Variants in RFX7 observed in about 807,000 individuals in gnomAD.
The protein encoded by RFX7 is regulatory factor X7.
RFX7 carries 26 observed loss-of-function variants against 111.8 expected under a neutral mutation model. That is an observed-to-expected ratio of 0.23 (90% CI 0.17 to 0.32). The LOEUF (loss-of-function observed/expected upper bound fraction) is 0.32. RFX7 is among the 10% of genes least tolerant of loss of function. The pLI is 1.00. For missense variants in RFX7, 1,573 were observed against 1,772.9 expected (o/e 0.89, Z 2.02); for synonymous variants, 624 against 624.4 (o/e 1.00, Z 0.01).
chr15:56,137,213 T>C (rs75940989), intron 5 of RFX7, among the ~76,000 whole-genome samples: 147,083 of 151,808 alleles, frequency 0.97, 71,387 homozygotes, highest in Non-Finnish European at 1. Context: ...CTTGTACCTC[T>C]GGTAGAATTC....
chr15:56,225,058 C>T (rs1215775744), intron 2 of RFX7, among the ~76,000 whole-genome samples: 2 of 152,106 alleles, frequency 1.3e-5, no homozygotes, highest in African/African-American at 4.8e-5. Context: ...AGAACAAGAA[C>T]AGCAGTAACA....
At chr15:56,131,509 T>G (rs1375303685) in intron 5 of RFX7, among the ~76,000 whole-genome samples, 1 of 151,776 alleles carries the variant, frequency 6.6e-6, no homozygotes, top group Non-Finnish European at 1.5e-5. Flanking sequence ...TCCTCTAGAC[T>G]TGGCCTCCCA....
At chr15:56,227,488 C>G (rs1596023096) in intron 2 of RFX7, among the ~76,000 whole-genome samples, 1 of 152,230 alleles carries the variant, frequency 6.6e-6, no homozygotes, top group East Asian at 1.9e-4. Flanking sequence ...TCCATATTCT[C>G]AAGTCTCTTA....
chr15:56,186,958 A>G (rs1313431742), intron 2 of RFX7, among the ~76,000 whole-genome samples: 1 of 152,180 alleles, frequency 6.6e-6, no homozygotes, highest in South Asian at 2.1e-4. Context: ...ATTTTTTGTA[A>G]TATTCCATTT....
At position 56,124,941 on chromosome 15, in the gene RFX7, A is replaced by T. The variant is rs1336480871; in HGVS notation, c.401+17837T>A. The stretch of plus-strand genomic sequence containing the variant: ...ATTCATAAAATCTTTTTGCAGGCCA[A>T]TGTCCTGAAGTCCCTATGTTTTCTT... On this transcript the variant is annotated intron_variant, in intron 5 of 9. Coordinates refer to ENST00000559447, the MANE Select transcript of RFX7 (RefSeq NM_022841.7). 2.6e-5 allele frequency among the ~76,000 whole-genome samples: 4 copies of T among 152,168 alleles called. No individual in the cohort carries two copies. The South Asian group carries it at 8.3e-4, about 32-fold the overall frequency.
rs1196928389 is a variant in RFX7, at chr15:56,197,695, AG to A, written c.162-18393del. Among the ~76,000 whole-genome samples the A allele has an allele frequency of 5.3e-5, 8 of 152,304 alleles. No individual in the cohort carries two copies. In the South Asian group the frequency reaches 1.7e-3, roughly 32 times the overall value. Reference sequence around the variant, plus strand: ...AAGAAAGAGAAGGGAGAGAAAGGGAAGCAAAGTAGGGATAGGAGTGTGGAAA... The same window carrying A: ...AAGAAAGAGAAGGGAGAGAAAGGGAACAAAGTAGGGATAGGAGTGTGGAAA... On this transcript the variant is annotated intron_variant, in intron 2 of 9. Transcript: ENST00000559447.
chr15:56,199,370 T>G (rs1216468834), intron 2 of RFX7, among the ~76,000 whole-genome samples: 1 of 152,172 alleles, frequency 6.6e-6, no homozygotes, highest in African/African-American at 2.4e-5. Context: ...TGCTGGTTGC[T>G]CCAAATGCTG....
At chr15:56,097,980 G>A (rs1239237538) in intron 9 of RFX7, 101 bp downstream of exon 9, 6 of 992,100 alleles carry the variant, frequency 6.0e-6, no homozygotes. Context: ...AAATCAGTTT[G>A]TGGCTACTCT....
At chr15:56,212,941 G>A (rs546823801) in intron 2 of RFX7, among the ~76,000 whole-genome samples, 16 of 152,136 alleles carry the variant, frequency 1.1e-4, no homozygotes, top group African/African-American at 3.4e-4. Flanking sequence ...AGCCATTAGG[G>A]AAATACAAAT....
chr15:56,123,071 C>T (rs564761831), intron 5 of RFX7, among the ~76,000 whole-genome samples: 1 of 152,234 alleles, frequency 6.6e-6, no homozygotes, highest in South Asian at 2.1e-4. Flanking sequence ...TGGGCTGGCA[C>T]CTAAGCAGCA....
At chr15:56,161,580 T>C (rs1340551769) in intron 3 of RFX7, among the ~76,000 whole-genome samples, 1 of 152,088 alleles carries the variant, frequency 6.6e-6, no homozygotes, top group Non-Finnish European at 1.5e-5. Context: ...TTAAAGAAAC[T>C]GAGTTCATAA....
chr15:56,212,685 T>C (rs1303135373), intron 2 of RFX7, among the ~76,000 whole-genome samples: 1 of 152,140 alleles, frequency 6.6e-6, no homozygotes, highest in East Asian at 1.9e-4. Context: ...AGTTTATTTT[T>C]TAAAAAAAGT....
intron 3 of RFX7, among the ~76,000 whole-genome samples, chr15:56,160,215 T>C (rs1250504367): frequency 3.3e-5 from 5 of 152,162 alleles, no homozygotes; most frequent in African/African-American, 1.2e-4. Context: ...GAAATGCTTG[T>C]TTGAGACTTA....
At chr15:56,113,506 G>A (rs753612298) in intron 5 of RFX7, among the ~76,000 whole-genome samples, 7 of 152,062 alleles carry the variant, frequency 4.6e-5, no homozygotes, top group South Asian at 2.1e-4. Flanking sequence ...TTGCGGGGGC[G>A]GTGAGGGGAG....
At chr15:56,102,046 T>C in intron 7 of RFX7, 123 bp downstream of exon 7, 2 of 696,300 alleles carry the variant, frequency 2.9e-6, no homozygotes, top group South Asian at 4.2e-5. Flanking sequence ...GTGTGATTTT[T>C]TTTTTCTTAT....
intron 2 of RFX7, among the ~76,000 whole-genome samples, chr15:56,179,875 T>C (rs2042949352): frequency 6.7e-6 from 1 of 150,290 alleles, no homozygotes; most frequent in South Asian, 2.1e-4. Context: ...TAGTAATAAA[T>C]TGGGAGGGCA....
At chr15:56,153,989 A>T (rs1304215477) in intron 3 of RFX7, among the ~76,000 whole-genome samples, 2 of 152,202 alleles carry the variant, frequency 1.3e-5, no homozygotes, top group Non-Finnish European at 2.9e-5. Flanking sequence ...GCATTTGTAT[A>T]CACCAATAAT....
intron 2 of RFX7, chr15:56,193,086 C>T (rs750781098): frequency 5.2e-5 from 13 of 250,188 alleles, no homozygotes; most frequent in Non-Finnish European, 1.0e-4. Context: ...TTCTCAATTC[C>T]CTCTTTATAT....
At chr15:56,209,275 C>G (rs537954914) in intron 2 of RFX7, among the ~76,000 whole-genome samples, 2 of 150,396 alleles carry the variant, frequency 1.3e-5, no homozygotes, top group Non-Finnish European at 3.0e-5. Flanking sequence ...GTGAAACACT[C>G]GAGAGTGTCA....
Sources: allele counts gnomAD v4.1 joint callset (sites outside exome capture counted in the v4.1 genomes callset), GRCh38; gene constraint gnomAD v4.1.1; transcripts MANE v1.5; gene names NCBI Gene and HGNC (gene_info 2026-07-23, HGNC 2026-07-21).